Variants in ALKBH5 observed in about 807,000 individuals in gnomAD.
ALKBH5 encodes the protein RNA demethylase ALKBH5.
A neutral mutation model predicts 32.1 loss-of-function variants in ALKBH5; 2 were observed. That is an observed-to-expected ratio of 0.06 (90% CI 0.03 to 0.20). ALKBH5 has a LOEUF of 0.20. ALKBH5 is among the 10% of genes least tolerant of loss of function. ALKBH5 has a pLI of 1.00. For missense variants in ALKBH5, 352 were observed against 559.5 expected, an observed-to-expected ratio of 0.63 and a Z score of 3.74; for synonymous variants, 300 against 231.7, an observed-to-expected ratio of 1.29 and a Z score of -2.68.
At chr17:18,191,949 T>TAAAAAAAAAAA (rs553466001) in intron 1 of ALKBH5, among the ~76,000 whole-genome samples, 13 of 140,740 alleles carry the variant, frequency 9.2e-5, no homozygotes, top group Non-Finnish European at 9.3e-5. Context: ...ACTCTGTCTT[T>TAAAAAAAAAAA]AAAAAAAAAA....
At chr17:18,200,111 A>T (rs200501982) in intron 2 of ALKBH5, among the ~76,000 whole-genome samples, 103 of 110,494 alleles carry the variant, frequency 9.3e-4, no homozygotes, top group African/African-American at 3.8e-3. Context: ...AAAAAAAAAA[A>T]ATTTTTTTTT....
At chr17:18,197,393 T>G (rs1043364201) in intron 2 of ALKBH5, among the ~76,000 whole-genome samples, 1 of 152,248 alleles carries the variant, frequency 6.6e-6, no homozygotes, top group Non-Finnish European at 1.5e-5. Flanking sequence ...CAGTCATTTC[T>G]TCTCAGGCTG....
At chr17:18,201,602 C>A (rs2047236433) in intron 2 of ALKBH5, among the ~76,000 whole-genome samples, 1 of 151,990 alleles carries the variant, frequency 6.6e-6, no homozygotes, top group Non-Finnish European at 1.5e-5. Context: ...TACTAAAATA[C>A]AAAAAATTAG....
intron 1 of ALKBH5, among the ~76,000 whole-genome samples, chr17:18,187,318 G>A (rs1364387528): frequency 1.3e-5 from 2 of 150,068 alleles, no homozygotes; most frequent in African/African-American, 5.1e-5. Flanking sequence ...CCATAGGTAA[G>A]AGGGGGTGGA....
rs1351365652 is a variant in ALKBH5, at chr17:18,183,964, C to T, written c.-280C>T. 4 of 621,042 alleles carry T rather than the reference C, an allele frequency of 6.4e-6. No individual in the cohort carries two copies. In the Admixed American group the frequency reaches 8.6e-5, roughly 13 times the overall value. 38.5% of individuals were successfully genotyped at this position (621,042 alleles called of 1,614,324 possible). A position where few individuals can be genotyped will look rare whatever the true frequency, so the allele number is the denominator to read the frequency against. ...GTCGGGCCGCGTCTCCGCAGCAGCC[C>T]TCCGCGGCATGAGGCGCTGCCGGCG... On this transcript the variant is annotated 5_prime_UTR_variant, in exon 1 of 4. Coordinates refer to ENST00000399138, the MANE Select transcript of ALKBH5 (RefSeq NM_017758.4).
intron 2 of ALKBH5, among the ~76,000 whole-genome samples, chr17:18,196,278 A>G (rs1180809360): frequency 6.6e-6 from 1 of 150,412 alleles, no homozygotes; most frequent in Non-Finnish European, 1.5e-5. Flanking sequence ...GCGGGAATGC[A>G]GTGGCACCAT....
chr17:18,201,852 ATTGATT>A, intron 2 of ALKBH5, among the ~76,000 whole-genome samples: 3 of 75,342 alleles, frequency 4.0e-5, no homozygotes, highest in Admixed American at 1.2e-4. Flanking sequence ...AGATAGATTG[ATTGATT>A]GATTTAAAAA....
At chr17:18,190,937 G>C (rs763173195) in intron 1 of ALKBH5, among the ~76,000 whole-genome samples, 3 of 152,186 alleles carry the variant, frequency 2.0e-5, no homozygotes, top group African/African-American at 7.2e-5. Flanking sequence ...AACATATACT[G>C]GTCAGTGCCT....
chr17:18,187,160 T>C (rs1197510162), intron 1 of ALKBH5, among the ~76,000 whole-genome samples: 6 of 151,962 alleles, frequency 3.9e-5, no homozygotes, highest in Admixed American at 1.3e-4. Context: ...AGAAGCACAC[T>C]GAAGGGGGAC....
chr17:18,196,380 C>G (rs1388072123), intron 2 of ALKBH5, among the ~76,000 whole-genome samples: 1 of 152,168 alleles, frequency 6.6e-6, no homozygotes, highest in Non-Finnish European at 1.5e-5. Flanking sequence ...TGCCACAACA[C>G]CCAGCTAACT....
In ALKBH5 at chr17:18,184,177, TC is replaced by T. The variant is rs1290088274; in HGVS notation, c.-63del. The T allele has an allele frequency of 7.4e-7, 1 of 1,356,524 alleles. No individual in the cohort carries two copies. The highest frequency in any genetic ancestry group is 2.6e-5 in the Admixed American group (1 of 38,776). 84.0% of individuals were successfully genotyped at this position (1,356,524 alleles called of 1,614,324 possible). A position where few individuals can be genotyped will look rare whatever the true frequency, so the allele number is the denominator to read the frequency against. On this transcript the variant is annotated 5_prime_UTR_variant, in exon 1 of 4. Coordinates refer to ENST00000399138, the MANE Select transcript of ALKBH5 (RefSeq NM_017758.4). ...CTCCCTCCGGGGGCCCCGGGGCGCG[TC>T]CCCTTAGAGCCATGCCCGGCTGCCC...
chr17:18,199,837 G>A (rs1024580094), intron 2 of ALKBH5, among the ~76,000 whole-genome samples: 3 of 152,112 alleles, frequency 2.0e-5, no homozygotes, highest in African/African-American at 7.2e-5. Context: ...CGGTCGTGGT[G>A]GCTCACACCT....
intron 1 of ALKBH5, among the ~76,000 whole-genome samples, chr17:18,188,540 A>G (rs2047153562): frequency 6.6e-6 from 1 of 152,222 alleles, no homozygotes; most frequent in African/African-American, 2.4e-5. Flanking sequence ...TAGGGCAGAT[A>G]GGTCCTGGGC....
intron 1 of ALKBH5, among the ~76,000 whole-genome samples, chr17:18,185,720 C>T (rs550903427): frequency 2.0e-5 from 3 of 152,356 alleles, no homozygotes; most frequent in South Asian, 2.1e-4. Context: ...GTTGCGTGAG[C>T]AGCAGAACTT....
At chr17:18,189,875 G>A (rs940686072) in intron 1 of ALKBH5, among the ~76,000 whole-genome samples, 1 of 152,202 alleles carries the variant, frequency 6.6e-6, no homozygotes, top group African/African-American at 2.4e-5. Flanking sequence ...GACTTGGCAG[G>A]TTGACCTTCC....
intron 1 of ALKBH5, among the ~76,000 whole-genome samples, chr17:18,189,313 C>T (rs2047159493): frequency 1.3e-5 from 2 of 152,054 alleles, no homozygotes; most frequent in Admixed American, 6.5e-5. Flanking sequence ...ACCCGGGAGG[C>T]GGAGCTTGCA....
At chr17:18,208,025 G>A (rs1046784475) in intron 3 of ALKBH5, among the ~76,000 whole-genome samples, 194 bp from the exon 4 acceptor site, 2 of 152,204 alleles carry the variant, frequency 1.3e-5, no homozygotes, top group Non-Finnish European at 2.9e-5. Context: ...ATTGGGAAAT[G>A]TCCCAAAGAC....
In ALKBH5 at chr17:18,206,783, CTTTGGTGACCCCA is replaced by C; in HGVS notation, c.852-30_852-18del. On this transcript the variant is annotated intron_variant, in intron 2 of 3. Transcript: ENST00000399138. ...GGTGCCCACACCTTCACCGGAGGCC[CTTTGGTGACCCCA>C]TGCATGTTTCCTTTGCAGGACAAGA... 1 of 1,608,688 alleles carries C rather than the reference CTTTGGTGACCCCA, an allele frequency of 6.2e-7. No individual in the cohort carries two copies. The highest frequency in any genetic ancestry group is 8.5e-7 in the Non-Finnish European group (1 of 1,176,506).
At chr17:18,190,627 A>G (rs146150319) in intron 1 of ALKBH5, among the ~76,000 whole-genome samples, 3 of 151,716 alleles carry the variant, frequency 2.0e-5, no homozygotes, top group African/African-American at 4.8e-5. Flanking sequence ...GCTTGCTGTG[A>G]TCTTTGTTTT....
Sources: gnomAD v4.1 joint callset for allele counts (sites outside exome capture counted in the v4.1 genomes callset) on GRCh38, gnomAD v4.1.1 for gene constraint, MANE v1.5 for transcripts, NCBI Gene and HGNC (gene_info 2026-07-23, HGNC 2026-07-21) for gene names.